Variants in SCP2 observed in about 807,000 individuals in gnomAD.
SCP2 encodes SCP-2/3-oxoacyl-CoA thiolase.
SCP2 carries 48 observed loss-of-function variants against 71.4 expected under a neutral mutation model. The ratio of observed to expected loss-of-function variants is 0.67; its 90% CI spans 0.53 to 0.86. SCP2 has a LOEUF of 0.86. Among genes scored for constraint, SCP2 ranks in the 40% least tolerant of loss-of-function variants. The pLI is 0.00. For synonymous variants in SCP2, 220 were observed against 218.1 expected, an observed-to-expected ratio of 1.01 and a Z score of -0.08; for missense variants, 560 against 655.6, an observed-to-expected ratio of 0.85 and a Z score of 1.59.
At chr1:53,037,266 G>A (rs1240335612) in intron 13 of SCP2, among the ~76,000 whole-genome samples, 1 of 151,916 alleles carries the variant, frequency 6.6e-6, no homozygotes, top group African/African-American at 2.4e-5. Context: ...AAAATTATTA[G>A]GTTGCTCTTG....
chr1:52,993,703 C>T (rs2150197343), intron 11 of SCP2: 2 of 1,611,804 alleles, frequency 1.2e-6, no homozygotes, highest in South Asian at 1.1e-5. Flanking sequence ...CAAAATAGGA[C>T]TCCCAACTTA....
intron 4 of SCP2, 103 bp downstream of exon 4, chr1:52,950,989 G>A: frequency 7.4e-7 from 1 of 1,342,490 alleles, no homozygotes; most frequent in Non-Finnish European, 1.1e-6. Flanking sequence ...TTTTAAAAAA[G>A]TCTTCATCAG....
chr1:52,933,655 T>C (rs980886725), intron 1 of SCP2, among the ~76,000 whole-genome samples: 1 of 152,194 alleles, frequency 6.6e-6, no homozygotes, highest in Non-Finnish European at 1.5e-5. Flanking sequence ...ATCAAACGTA[T>C]TTAAGTAATA....
chr1:52,934,332 T>C (rs914054345), intron 1 of SCP2, among the ~76,000 whole-genome samples: 1 of 152,072 alleles, frequency 6.6e-6, no homozygotes, highest in African/African-American at 2.4e-5. Context: ...TTTTTGTTTT[T>C]TAACGGGACA....
chr1:52,972,896 A>G (rs568471077), intron 6 of SCP2, among the ~76,000 whole-genome samples: 1 of 152,334 alleles, frequency 6.6e-6, no homozygotes, highest in South Asian at 2.1e-4. Context: ...ACATCACACT[A>G]TGAAATCTCA....
intron 6 of SCP2, among the ~76,000 whole-genome samples, chr1:52,964,376 A>G (rs1656759393): frequency 6.6e-6 from 1 of 151,406 alleles, no homozygotes; most frequent in African/African-American, 2.4e-5. Flanking sequence ...CATTTTTTGT[A>G]TTTTTAGTAG....
chr1:52,978,252 CCAGTGAAG>C lies in SCP2; in HGVS notation c.713_720del (p.Ser238IlefsTer22). Reference sequence around the variant, plus strand: ...GATGGTGCTGCAGCAGCAATTTTGGCCAGTGAAGCATTTGTACAGAAGTATGGCCTGCA... The same window carrying C: ...GATGGTGCTGCAGCAGCAATTTTGGCCATTTGTACAGAAGTATGGCCTGCA... On this transcript the variant is annotated frameshift_variant, in exon 9 of 16. Coordinates refer to ENST00000371514, the MANE Select transcript of SCP2 (RefSeq NM_002979.5). LOFTEE classifies it high-confidence loss of function. 1.2e-6 allele frequency: 2 copies of C among 1,613,896 alleles called. No individual in the cohort carries two copies. The highest frequency in any genetic ancestry group is 1.7e-6 in the Non-Finnish European group (2 of 1,179,912).
At chr1:52,955,517 AG>A (rs1213720031) in intron 5 of SCP2, among the ~76,000 whole-genome samples, 2 of 152,144 alleles carry the variant, frequency 1.3e-5, no homozygotes, top group African/African-American at 4.8e-5. Flanking sequence ...AAAACAGGGG[AG>A]GAAAAAAAAA....
At chr1:53,037,922 ACACACACAGATC>A (rs1663106279) in intron 13 of SCP2, among the ~76,000 whole-genome samples, 1 of 133,852 alleles carries the variant, frequency 7.5e-6, no homozygotes, top group Non-Finnish European at 1.6e-5. Context: ...ACACACACAC[ACACACACAGATC>A]CAGATCCTGT....
chr1:52,927,954 G>T (rs1490794360), intron 1 of SCP2, among the ~76,000 whole-genome samples: 2 of 152,188 alleles, frequency 1.3e-5, no homozygotes, highest in South Asian at 2.1e-4. Flanking sequence ...GGACCCGGAC[G>T]CCGCAGGCTC....
chr1:52,988,042 G>T lies in SCP2; in HGVS notation c.987G>T (p.Thr329=), dbSNP rs7538935. The stretch of plus-strand genomic sequence containing the variant: ...TTTCTTCTATAGGACAAGGTGCAAC[G>T]CTGGTTGATAGAGGAGATAATACAT... The part of the protein sequence containing the change: ...LGLCPEGQGA[T]LVDRGDNTYG... The change falls in exon 11 of 16, where the codon ACG becomes ACT. Residue 329 remains threonine, a synonymous_variant. Coordinates refer to ENST00000371514, the MANE Select transcript of SCP2 (RefSeq NM_002979.5). 0.065 allele frequency: 102,746 copies of T among 1,574,132 alleles called. 10,000 individuals carry two copies. The highest frequency in any genetic ancestry group is 0.46 in the African/African-American group (33,640 of 72,972).
rs141596187 is a variant in SCP2 at position 53,050,986 on chromosome 1, A to C, written c.*282A>C. The C allele has an allele frequency of 5.1e-4, 134 of 265,028 alleles. No individual in the cohort carries two copies. The highest frequency in any genetic ancestry group is 2.9e-3 in the African/African-American group (129 of 44,700). The allele number at this position is 265,028 out of a possible 1,614,324, so 16.4% of individuals were successfully genotyped here. A position where few individuals can be genotyped will look rare whatever the true frequency, so the allele number is the denominator to read the frequency against. On this transcript the variant is annotated 3_prime_UTR_variant, in exon 16 of 16. Transcript: ENST00000371514. ...TGAGTTTCAGAATAAAATTAGGAAC[A>C]GTAAAATCCAAAGAACTATGTAAAC... is the stretch of plus-strand genomic sequence containing the variant.
chr1:52,991,424 G>A (rs1007704684), intron 11 of SCP2, among the ~76,000 whole-genome samples: 7 of 148,776 alleles, frequency 4.7e-5, no homozygotes, highest in African/African-American at 7.6e-5. Flanking sequence ...TCCTTGAAAC[G>A]GAGTCTTGCT....
chr1:52,961,363 C>A, intron 5 of SCP2, 140 bp from the exon 6 acceptor site: 3 of 842,130 alleles, frequency 3.6e-6, no homozygotes, highest in Non-Finnish European at 1.9e-6. Flanking sequence ...TGGAGCATGT[C>A]TTAACTGATT....
chr1:52,955,144 T>A (rs969360302), intron 5 of SCP2, among the ~76,000 whole-genome samples: 7 of 152,234 alleles, frequency 4.6e-5, no homozygotes, highest in African/African-American at 7.2e-5. Context: ...CCAAGTTTTT[T>A]GAGCCAGTTC....
chr1:53,024,696 C>T lies in SCP2; in HGVS notation c.1236-3273C>T, dbSNP rs375570782. On this transcript the variant is annotated intron_variant, in intron 12 of 15. Coordinates refer to ENST00000371514, the MANE Select transcript of SCP2 (RefSeq NM_002979.5). ...AGCGAATTCTCCTGCCTCAGACTCC[C>T]GAGTAGCTGAGTTTACAGGCGCACA... 1.6e-3 allele frequency among the ~76,000 whole-genome samples: 238 copies of T among 151,472 alleles called. 2 individuals carry two copies. Among genetic ancestry groups the T allele is most frequent in the South Asian group, 2.1e-4 (1 of 4,768 alleles).
chr1:52,960,570 A>ATATATGTATATATGTATG (rs1325168634), intron 5 of SCP2, among the ~76,000 whole-genome samples: 34 of 146,344 alleles, frequency 2.3e-4, no homozygotes, highest in Non-Finnish European at 1.6e-4. Context: ...ATGTATGTAT[A>ATATATGTATATATGTATG]TATATGTATA....
intron 8 of SCP2, 67 bp downstream of exon 8, chr1:52,976,836 G>A (rs1658014677): frequency 1.2e-6 from 1 of 848,324 alleles, no homozygotes; most frequent in South Asian, 1.3e-5. Flanking sequence ...ACCCCCCTGT[G>A]GTTAAACCTT....
Position 52,961,512 on chromosome 1 carries a change from A to G in SCP2, c.406A>G (p.Arg136Gly), listed in dbSNP as rs753211463. The G allele has an allele frequency of 1.2e-6, 2 of 1,613,934 alleles. No homozygotes were observed. The highest frequency in any genetic ancestry group is 8.5e-7 in the Non-Finnish European group (1 of 1,179,856). The change falls in exon 6 of 16, where the codon AGA becomes GGA. Residue 136 changes from arginine to glycine, a missense_variant. Physicochemically the swap from Arg to Gly is moderately radical, Grantham distance 125 (BLOSUM62 -2). Coordinates refer to ENST00000371514, the MANE Select transcript of SCP2 (RefSeq NM_002979.5). Reference sequence around the variant, plus strand: ...TGTTCCCCCCTCTTAGTTTTCAGATAGAACCATTCCCACTGATAAGCATGT... The same window carrying G: ...TGTTCCCCCCTCTTAGTTTTCAGATGGAACCATTCCCACTGATAAGCATGT... The part of the protein sequence containing the change: ...KGSLGIKFSD[R>G]TIPTDKHVDL...
Sources: allele counts gnomAD v4.1 joint callset (sites outside exome capture counted in the v4.1 genomes callset), GRCh38; gene constraint gnomAD v4.1.1; transcripts MANE v1.5; gene names NCBI Gene and HGNC (gene_info 2026-07-23, HGNC 2026-07-21).